The following TNIK variants were observed in gnomAD, a reference collection of about 807,000 sequenced individuals.
TNIK encodes TRAF2 and NCK interacting kinase.
Under a neutral mutation model 191.3 loss-of-function variants are expected in TNIK, and 49 were observed. The observed-to-expected ratio is 0.26, with a 90% CI of 0.20 to 0.32. The LOEUF (loss-of-function observed/expected upper bound fraction) is 0.32. Ranked by LOEUF, TNIK falls within the 10% of genes least tolerant of loss-of-function variation. The pLI is 1.00. For missense variants in TNIK, 1,155 were observed against 1,702.3 expected (o/e 0.68, Z 5.66); for synonymous variants, 594 against 600.9 (o/e 0.99, Z 0.17).
rs979819337 is a variant in TNIK at position 171,101,778 on chromosome 3, A to G, written c.2407-145T>C. On this transcript the variant is annotated intron_variant, in intron 21 of 32. Transcript: ENST00000436636. ...ACAAACATAGTTACTGCATGGAACT[A>G]AGAAAATGATGTTTGTAGCGTGTAG... The G allele has an allele frequency of 8.1e-6, 6 of 744,078 alleles. No homozygotes were observed. In the African/African-American group the frequency reaches 1.1e-4, roughly 13 times the overall value. The allele number at this position is 744,078 out of a possible 1,614,324, so 46.1% of individuals were successfully genotyped here. A position where few individuals can be genotyped will look rare whatever the true frequency, so the allele number is the denominator to read the frequency against.
chr3:171,172,042 C>T (rs1435469500), intron 9 of TNIK, among the ~76,000 whole-genome samples: 1 of 151,218 alleles, frequency 6.6e-6, no homozygotes, highest in East Asian at 2.0e-4. Flanking sequence ...GAACTGGGCT[C>T]CTGTGAGTGG....
chr3:171,154,973 C>T (rs1382801326), intron 12 of TNIK, among the ~76,000 whole-genome samples: 3 of 152,212 alleles, frequency 2.0e-5, no homozygotes. Context: ...GCCAAATCCA[C>T]ATGGTTACTC....
Position 171,139,053 on chromosome 3 carries a change from G to C in TNIK, c.1419+417C>G, listed in dbSNP as rs564625373. 2.0e-5 allele frequency among the ~76,000 whole-genome samples: 3 copies of C among 152,294 alleles called. No individual in the cohort carries two copies. The East Asian group carries it at 5.8e-4, about 29-fold the overall frequency. ...AGCTAATAGTCTGTAAATGAAATAT[G>C]ACTGTAGAGCTGATGGGTTCTTATG... On this transcript the variant is annotated intron_variant, in intron 14 of 32. Transcript: ENST00000436636.
intron 1 of TNIK, among the ~76,000 whole-genome samples, chr3:171,390,321 A>G (rs899892404): frequency 6.6e-6 from 1 of 152,202 alleles, no homozygotes; most frequent in Non-Finnish European, 1.5e-5. Flanking sequence ...AGTGTTAATT[A>G]CTGCCACACC....
intron 4 of TNIK, 24 bp from the exon 5 acceptor site, chr3:171,194,659 A>G (rs1738474269): frequency 6.2e-7 from 1 of 1,607,286 alleles, no homozygotes; most frequent in Non-Finnish European, 8.5e-7. Context: ...CAAACAAGCC[A>G]TTATTTTAAT....
chr3:171,141,068 T>C lies in TNIK; in HGVS notation c.1222-559A>G, dbSNP rs542857491. On this transcript the variant is annotated intron_variant, in intron 12 of 32. Transcript: ENST00000436636. Reference sequence around the variant, plus strand: ...CTGCCTGTCTGTGTTTTCTGGAGTATTCATTATTAAGTGTCAATTTCAAGT... The same window carrying C: ...CTGCCTGTCTGTGTTTTCTGGAGTACTCATTATTAAGTGTCAATTTCAAGT... Among the ~76,000 whole-genome samples the C allele has an allele frequency of 9.8e-5, 15 of 152,302 alleles. No individual in the cohort carries two copies. The East Asian group carries it at 2.3e-3, about 24-fold the overall frequency.
chr3:171,291,112 A>G (rs963377397), intron 2 of TNIK, among the ~76,000 whole-genome samples: 2 of 152,216 alleles, frequency 1.3e-5, no homozygotes, highest in African/African-American at 4.8e-5. Context: ...ACCACTTCAC[A>G]GAAAACGTGC....
chr3:171,205,990 G>T (rs1258703006), intron 4 of TNIK, among the ~76,000 whole-genome samples: 1 of 152,040 alleles, frequency 6.6e-6, no homozygotes, highest in Non-Finnish European at 1.5e-5. Flanking sequence ...GAATTTTGGG[G>T]GCACACAAAT....
chr3:171,224,739 G>A (rs1010554306), intron 3 of TNIK, among the ~76,000 whole-genome samples: 42 of 152,260 alleles, frequency 2.8e-4, no homozygotes, highest in African/African-American at 9.9e-4. Context: ...GCTCCTCCTA[G>A]ATGCCGTAGG....
chr3:171,273,297 T>C (rs1028504527), intron 2 of TNIK, among the ~76,000 whole-genome samples: 1 of 152,224 alleles, frequency 6.6e-6, no homozygotes, highest in African/African-American at 2.4e-5. Flanking sequence ...AGCCATAGTC[T>C]TGGGCCATGG....
intron 1 of TNIK, among the ~76,000 whole-genome samples, chr3:171,383,318 G>C (rs1718309353): frequency 6.6e-6 from 1 of 152,198 alleles, no homozygotes; most frequent in Admixed American, 6.5e-5. Context: ...CAACAGAATT[G>C]CAAGTCCTCG....
chr3:171,320,508 C>T (rs910667785), intron 2 of TNIK, among the ~76,000 whole-genome samples: 20 of 152,162 alleles, frequency 1.3e-4, no homozygotes, highest in African/African-American at 4.8e-4. Flanking sequence ...GGAAAAAGTA[C>T]TTCTGATTTC....
chr3:171,246,911 T>G (rs1185119604), intron 2 of TNIK, among the ~76,000 whole-genome samples: 1 of 152,172 alleles, frequency 6.6e-6, no homozygotes, highest in African/African-American at 2.4e-5. Context: ...AGTAGGACTT[T>G]AATTCAGTCC....
At chr3:171,228,251 T>C in intron 2 of TNIK, 30 bp from the exon 3 acceptor site, 1 of 1,612,892 alleles carries the variant, frequency 6.2e-7, no homozygotes, top group Non-Finnish European at 8.5e-7. Flanking sequence ...ACAAAAGATT[T>C]AGTTCTGATG....
intron 2 of TNIK, among the ~76,000 whole-genome samples, chr3:171,352,458 C>T (rs190598247): frequency 1.3e-4 from 20 of 152,296 alleles, no homozygotes; most frequent in Middle Eastern, 6.8e-3. Flanking sequence ...GAATAAGCAA[C>T]TGATAATTTC....
intron 2 of TNIK, among the ~76,000 whole-genome samples, chr3:171,240,848 T>C (rs1439305129): frequency 6.6e-6 from 1 of 152,148 alleles, no homozygotes; most frequent in Non-Finnish European, 1.5e-5. Flanking sequence ...GTATCGGGCA[T>C]TTCCTGCTCT....
chr3:171,349,844 G>A (rs1372490857), intron 2 of TNIK, among the ~76,000 whole-genome samples: 2 of 152,236 alleles, frequency 1.3e-5, no homozygotes, highest in Admixed American at 1.3e-4. Context: ...TGGTATCCAG[G>A]ATCTTCTAAA....
intron 2 of TNIK, among the ~76,000 whole-genome samples, chr3:171,252,457 C>A (rs1006009387): frequency 6.6e-6 from 1 of 152,074 alleles, no homozygotes; most frequent in Non-Finnish European, 1.5e-5. Context: ...ATCGTGTGCA[C>A]GACATTATAT....
chr3:171,250,102 C>A (rs1205710102), intron 2 of TNIK, among the ~76,000 whole-genome samples: 1 of 152,214 alleles, frequency 6.6e-6, no homozygotes, highest in Non-Finnish European at 1.5e-5. Flanking sequence ...TTTCAAATTT[C>A]ACCCAACTTC....
Sources: allele counts gnomAD v4.1 joint callset (sites outside exome capture counted in the v4.1 genomes callset), GRCh38; gene constraint gnomAD v4.1.1; transcripts MANE v1.5; gene names NCBI Gene and HGNC (gene_info 2026-07-23, HGNC 2026-07-21).